Variants in FSTL5 observed in about 807,000 individuals in gnomAD.
FSTL5 encodes follistatin-related protein 5.
In FSTL5, 62 loss-of-function variants were observed where a neutral mutation model predicts 89.1. The observed-to-expected ratio is 0.70, with a 90% confidence interval of 0.57 to 0.86. The LOEUF (loss-of-function observed/expected upper bound fraction) is 0.86. Ranked by LOEUF, FSTL5 falls within the 40% of genes least tolerant of loss-of-function variation. The probability of loss-of-function intolerance (pLI) is 0.00; values close to 1 mark genes in which losing one functional copy is unlikely to be tolerated. For missense variants in FSTL5, 1,057 were observed against 1,001.6 expected (o/e 1.06, Z -0.75); for synonymous variants, 383 against 346.2 (o/e 1.11, Z -1.18).
chr4:161,586,626 A>G (rs1283205235), intron 8 of FSTL5, among the ~76,000 whole-genome samples: 1 of 152,208 alleles, frequency 6.6e-6, no homozygotes, highest in Non-Finnish European at 1.5e-5. Flanking sequence ...ATTTATTTTA[A>G]AATAAATCAG....
chr4:161,397,062 C>T (rs767006068), intron 15 of FSTL5, among the ~76,000 whole-genome samples: 1 of 152,042 alleles, frequency 6.6e-6, no homozygotes, highest in Non-Finnish European at 1.5e-5. Flanking sequence ...AGGTGAAAGG[C>T]AGGGGATAAA....
chr4:161,637,973 TA>T (rs1191558124), intron 7 of FSTL5, among the ~76,000 whole-genome samples: 1 of 151,698 alleles, frequency 6.6e-6, no homozygotes, highest in Non-Finnish European at 1.5e-5. Context: ...ATATGAACTT[TA>T]AAGTAGTTTT....
chr4:161,720,707 T>C (rs939206106), intron 6 of FSTL5, among the ~76,000 whole-genome samples: 1 of 152,170 alleles, frequency 6.6e-6, no homozygotes, highest in Non-Finnish European at 1.5e-5. Flanking sequence ...AATCCCACCA[T>C]TTGCCACAAA....
At chr4:161,806,854 A>G (rs1170641727) in intron 4 of FSTL5, among the ~76,000 whole-genome samples, 2 of 152,154 alleles carry the variant, frequency 1.3e-5, no homozygotes, top group East Asian at 3.8e-4. Context: ...TAGGTTCATG[A>G]AAGTTCTCAT....
At chr4:161,934,309 A>G (rs1203147709) in intron 3 of FSTL5, among the ~76,000 whole-genome samples, 2 of 152,118 alleles carry the variant, frequency 1.3e-5, no homozygotes, top group Admixed American at 1.3e-4. Context: ...ACTTGAGCAC[A>G]GTAGAAACTC....
chr4:161,969,744 A>T (rs1174382471), intron 3 of FSTL5, among the ~76,000 whole-genome samples: 1 of 152,162 alleles, frequency 6.6e-6, no homozygotes, highest in African/African-American at 2.4e-5. Flanking sequence ...GGGAAATAGA[A>T]GAAACAGAAG....
chr4:161,845,013 T>G (rs1448541042), intron 4 of FSTL5, among the ~76,000 whole-genome samples: 2 of 152,084 alleles, frequency 1.3e-5, no homozygotes, highest in African/African-American at 2.4e-5. Context: ...AATAGTGTAC[T>G]TGGGAAGTTA....
At chr4:161,670,428 T>G (rs1737059378) in intron 6 of FSTL5, among the ~76,000 whole-genome samples, 1 of 152,198 alleles carries the variant, frequency 6.6e-6, no homozygotes, top group Non-Finnish European at 1.5e-5. Flanking sequence ...GACACATTAT[T>G]TGCTCTGTCT....
At chr4:161,634,604 C>G (rs1275051613) in intron 7 of FSTL5, among the ~76,000 whole-genome samples, 1 of 151,926 alleles carries the variant, frequency 6.6e-6, no homozygotes, top group Non-Finnish European at 1.5e-5. Flanking sequence ...ATCCATGAAC[C>G]TGGAAAACAT....
intron 4 of FSTL5, among the ~76,000 whole-genome samples, chr4:161,792,771 C>T (rs1161504707): frequency 1.3e-5 from 2 of 152,172 alleles, no homozygotes; most frequent in Non-Finnish European, 2.9e-5. Flanking sequence ...AGTGAAACTC[C>T]TCTCTGCCTT....
rs564123589 is a variant in FSTL5 at position 161,603,547 on chromosome 4, G to A, written c.895-15972C>T. 5.6e-4 allele frequency among the ~76,000 whole-genome samples: 85 copies of A among 152,160 alleles called. No homozygotes were observed. The Middle Eastern group carries it at 0.02, about 37-fold the overall frequency. ...GATGGCACCCTAATCTGAGATTTCC[G>A]GCCTACAGAACTGAGAGAAAATAAA... is the stretch of plus-strand genomic sequence containing the variant. On this transcript the variant is annotated intron_variant, in intron 7 of 15. Transcript: ENST00000306100.
At chr4:161,500,592 C>T (rs565864360) in intron 11 of FSTL5, among the ~76,000 whole-genome samples, 1 of 151,964 alleles carries the variant, frequency 6.6e-6, no homozygotes, top group East Asian at 1.9e-4. Context: ...AAGAAAAAGA[C>T]CAAATGCCCT....
intron 4 of FSTL5, among the ~76,000 whole-genome samples, chr4:161,879,894 G>A: frequency 6.6e-6 from 1 of 152,072 alleles, no homozygotes; most frequent in South Asian, 2.1e-4. Context: ...TTCTCTCTCA[G>A]TAGATTGATA....
intron 8 of FSTL5, among the ~76,000 whole-genome samples, chr4:161,587,182 G>GA (rs897226231): frequency 2.0e-5 from 3 of 151,328 alleles, no homozygotes; most frequent in African/African-American, 7.3e-5. Flanking sequence ...TATTCTAAAC[G>GA]AAAAAATAAT....
intron 4 of FSTL5, among the ~76,000 whole-genome samples, chr4:161,912,918 G>A (rs1376643995): frequency 6.6e-6 from 1 of 152,144 alleles, no homozygotes; most frequent in South Asian, 2.1e-4. Context: ...TTGGAGCAAA[G>A]GTGACTCTTT....
At chr4:161,597,438 T>C (rs1372677337) in intron 7 of FSTL5, among the ~76,000 whole-genome samples, 1 of 127,304 alleles carries the variant, frequency 7.9e-6, no homozygotes, top group Non-Finnish European at 1.6e-5. Context: ...ATGACAACAC[T>C]TGGACACAGG....
At chr4:162,128,678 T>A (rs1732176764) in intron 1 of FSTL5, among the ~76,000 whole-genome samples, 1 of 152,188 alleles carries the variant, frequency 6.6e-6, no homozygotes, top group African/African-American at 2.4e-5. Flanking sequence ...ATTATTCCAA[T>A]ATCATAGAAG....
intron 6 of FSTL5, among the ~76,000 whole-genome samples, chr4:161,711,153 C>G (rs1051822600): frequency 1.3e-5 from 2 of 151,496 alleles, no homozygotes; most frequent in African/African-American, 4.8e-5. Context: ...GACAAGGGGA[C>G]AGGTACGAGG....
intron 6 of FSTL5, among the ~76,000 whole-genome samples, chr4:161,699,251 A>G (rs1380407149): frequency 1.3e-5 from 2 of 152,216 alleles, no homozygotes. Flanking sequence ...AACTTTTCAT[A>G]TTAAATCGTG....
Sources: allele counts gnomAD v4.1 joint callset (sites outside exome capture counted in the v4.1 genomes callset), GRCh38; gene constraint gnomAD v4.1.1; transcripts MANE v1.5; gene names NCBI Gene and HGNC (gene_info 2026-07-23, HGNC 2026-07-21).